PDIA3: variants seen among roughly 807,000 people sequenced by gnomAD.
PDIA3 encodes protein disulfide-isomerase A3.
PDIA3 carries 16 observed loss-of-function variants against 56.9 expected under a neutral mutation model. That is an observed-to-expected ratio of 0.28 (90% confidence interval 0.19 to 0.43). The LOEUF (loss-of-function observed/expected upper bound fraction) is 0.43, where lower values mean the gene tolerates loss of function less well. Among genes scored for constraint, PDIA3 ranks in the 20% least tolerant of loss-of-function variants. The pLI is 1.00. For synonymous variants in PDIA3, 192 were observed against 216.5 expected (o/e 0.89, Z 0.99); for missense variants, 485 against 621.3 (o/e 0.78, Z 2.33).
At chr15:43,751,142 AAAAAAAT>A (rs1242078062) in intron 1 of PDIA3, among the ~76,000 whole-genome samples, 1 of 111,104 alleles carries the variant, frequency 9.0e-6, no homozygotes, top group Non-Finnish European at 2.0e-5. Context: ...GAAAAAAAAA[AAAAAAAT>A]AATATATGTG....
chr15:43,759,231 A>G (rs1350047967), intron 3 of PDIA3, among the ~76,000 whole-genome samples: 2 of 152,178 alleles, frequency 1.3e-5, no homozygotes, highest in Non-Finnish European at 2.9e-5. Context: ...CGGAGCTTGC[A>G]GTAAGCGGAG....
intron 1 of PDIA3, chr15:43,752,841 C>T (rs1462009758): frequency 6.4e-6 from 3 of 470,970 alleles, no homozygotes; most frequent in Non-Finnish European, 1.3e-5. Flanking sequence ...CCTCTGCAAC[C>T]CTTTGGCTTT....
rs1314712441 is a variant in PDIA3, at chr15:43,756,699, A to C, written c.297A>C (p.Gly99=). 1.9e-6 allele frequency: 3 copies of C among 1,610,764 alleles called. No individual in the cohort carries two copies. The highest frequency in any genetic ancestry group is 1.7e-5 in the Admixed American group (1 of 60,024). The part of the protein sequence containing the change: ...TNTCNKYGVS[G]YPTLKIFRDG... ...CCTGTAATAAATATGGAGTCAGTGG[A>C]TATCCAACCCTGAAGATATTTAGAG... The change falls in exon 3 of 13, where the codon GGA becomes GGC. Residue 99 remains glycine (G), a synonymous_variant. Coordinates refer to ENST00000300289, the MANE Select transcript of PDIA3 (RefSeq NM_005313.5).
At chr15:43,746,759 G>C in intron 1 of PDIA3, 53 bp downstream of exon 1, 17 of 1,590,262 alleles carry the variant, frequency 1.1e-5, no homozygotes, top group Non-Finnish European at 1.5e-5. Context: ...GGCCGGGGGC[G>C]AGAGCGCGGG....
chr15:43,769,055 A>G lies in PDIA3; in HGVS notation c.1137+458A>G, dbSNP rs79258155. ...AAAAAAAAGCATTGGCAGGGCTCAT[A>G]ATGCTTGGTAGGGGCAAGCGTGTAA... is the stretch of plus-strand genomic sequence containing the variant. On this transcript the variant is annotated intron_variant, in intron 9 of 12. Coordinates refer to ENST00000300289, the MANE Select transcript of PDIA3 (RefSeq NM_005313.5). 9.0e-3 allele frequency among the ~76,000 whole-genome samples: 1,367 copies of G among 151,862 alleles called. 20 individuals carry two copies. Among genetic ancestry groups the G allele is most frequent in the African/African-American group, 0.032 (1,319 of 41,428 alleles).
chr15:43,762,377 G>A (rs2141653013), intron 4 of PDIA3, among the ~76,000 whole-genome samples: 1 of 152,170 alleles, frequency 6.6e-6, no homozygotes, highest in South Asian at 2.1e-4. Context: ...CGAGCATGGT[G>A]GTGCATGCCT....
chr15:43,765,808 C>G (rs764123912), intron 6 of PDIA3, 79 bp from the exon 7 acceptor site: 19 of 1,409,392 alleles, frequency 1.3e-5, no homozygotes, highest in Non-Finnish European at 1.9e-5. Context: ...TTCATAAATG[C>G]TATCAATTAT....
At chr15:43,761,382 T>C (rs367690999) in intron 3 of PDIA3, 42 bp from the exon 4 acceptor site, 104 of 1,081,866 alleles carry the variant, frequency 9.6e-5, no homozygotes, top group Non-Finnish European at 1.4e-4. Flanking sequence ...TCAAAAATTA[T>C]AAATAAGTTG....
chr15:43,748,117 G>T (rs965449241), intron 1 of PDIA3, among the ~76,000 whole-genome samples: 7 of 152,118 alleles, frequency 4.6e-5, no homozygotes, highest in African/African-American at 1.7e-4. Context: ...TTTACTACAG[G>T]GGTCATGCAA....
chr15:43,762,959 A>G lies in PDIA3; in HGVS notation c.473-118A>G. The stretch of plus-strand genomic sequence containing the variant: ...GTCTGAGGTAGTCATGGCAAAGCAG[A>G]CCCAGTCCTCAAAATAGAATGAAAT... On this transcript the variant is annotated intron_variant, in intron 4 of 12. Coordinates refer to ENST00000300289, the MANE Select transcript of PDIA3 (RefSeq NM_005313.5). 3 of 978,662 alleles carry G rather than the reference A, an allele frequency of 3.1e-6. No individual in the cohort carries two copies. The Admixed American group carries it at 6.8e-5, about 22-fold the overall frequency. The allele number at this position is 978,662 out of a possible 1,614,324, so 60.6% of individuals were successfully genotyped here.
intron 1 of PDIA3, among the ~76,000 whole-genome samples, chr15:43,747,311 A>G (rs1311375686): frequency 6.6e-6 from 1 of 152,220 alleles, no homozygotes; most frequent in African/African-American, 2.4e-5. Context: ...TGTCCAAACG[A>G]AAGGAGTACG....
chr15:43,763,273 G>A (rs1596023320), intron 5 of PDIA3, 67 bp downstream of exon 5: 1 of 1,548,482 alleles, frequency 6.5e-7, no homozygotes, highest in South Asian at 1.2e-5. Context: ...GATTGACTGG[G>A]ACAAGGTTTC....
At position 43,766,761 on chromosome 15, in the gene PDIA3, T is replaced by A. The variant is rs949016689; in HGVS notation, c.879T>A (p.Ala293=). 1 of 1,614,054 alleles carries A rather than the reference T, an allele frequency of 6.2e-7. No homozygotes were observed. Among genetic ancestry groups the A allele is most frequent in the Non-Finnish European group, 8.5e-7 (1 of 1,179,948 alleles). The part of the protein sequence containing the change: ...VMMVAKKFLD[A]GHKLNFAVAS... ...TGGTGGCAAAGAAATTCCTGGATGC[T>A]GGGCACAAACTCAACTTTGCTGTAG... The change falls in exon 8 of 13, where the codon GCT becomes GCA. Residue 293 remains alanine (A), a synonymous_variant. Coordinates refer to ENST00000300289, the MANE Select transcript of PDIA3 (RefSeq NM_005313.5).
chr15:43,765,966 G>T lies in PDIA3; in HGVS notation c.799G>T (p.Val267Leu). ...GKDLLIAYYDVDYEKNAKGSN... is the reference protein window; with the variant it reads ...GKDLLIAYYDLDYEKNAKGSN... ...GGACTTACTTATTGCTTACTATGAT[G>T]TGGACTATGAAAAGAACGCTAAAGG... The change falls in exon 7 of 13, where the codon GTG becomes TTG. Residue 267 changes from valine (V) to leucine (L), a missense_variant. Transcript: ENST00000300289. 1.2e-6 allele frequency: 2 copies of T among 1,613,474 alleles called. No homozygotes were observed. The highest frequency in any genetic ancestry group is 1.7e-6 in the Non-Finnish European group (2 of 1,179,640).
chr15:43,768,357 A>T (rs2086861162), intron 8 of PDIA3, 132 bp from the exon 9 acceptor site: 1 of 613,708 alleles, frequency 1.6e-6, no homozygotes, highest in African/African-American at 1.8e-5. Flanking sequence ...AGTTCTGCAT[A>T]TTGAGAGATG....
intron 1 of PDIA3, 171 bp downstream of exon 1, chr15:43,746,877 G>A: frequency 1.4e-6 from 1 of 735,406 alleles, no homozygotes; most frequent in South Asian, 1.8e-5. Context: ...CGAGAGCGGG[G>A]GAGTCGGTGC....
chr15:43,768,516 C>G lies in PDIA3; in HGVS notation c.1056C>G (p.Phe352Leu). 1 of 1,613,726 alleles carries G rather than the reference C, an allele frequency of 6.2e-7. No individual in the cohort carries two copies. The highest frequency in any genetic ancestry group is 8.5e-7 in the Non-Finnish European group (1 of 1,179,692). The change falls in exon 9 of 13, where the codon TTC becomes TTG. Residue 352 changes from phenylalanine to leucine, a missense_variant. Phe to Leu is a conservative substitution (Grantham distance 22). Transcript: ENST00000300289. ...GTGATGGGAAGGCTCTGGAGAGGTT[C>G]CTGCAGGATTACTTTGATGGCAATC... ...FSRDGKALER[F>L]LQDYFDGNLK...
intron 3 of PDIA3, among the ~76,000 whole-genome samples, chr15:43,758,532 C>A (rs879463984): frequency 7.3e-5 from 11 of 151,578 alleles, no homozygotes; most frequent in Non-Finnish European, 1.5e-4. Flanking sequence ...GATGCGCATA[C>A]CTGTAATCCC....
chr15:43,765,423 C>T, intron 5 of PDIA3, 27 bp from the exon 6 acceptor site: 1 of 1,291,486 alleles, frequency 7.7e-7, no homozygotes. Context: ...TATCTGCCTA[C>T]TGAGACTTTT....
Sources: allele counts gnomAD v4.1 joint callset (sites outside exome capture counted in the v4.1 genomes callset), GRCh38; gene constraint gnomAD v4.1.1; transcripts MANE v1.5; gene names NCBI Gene and HGNC (gene_info 2026-07-23, HGNC 2026-07-21).